Variants in NRXN3 observed in about 807,000 individuals in gnomAD.
NRXN3 encodes the protein neurexin 3, also known as neurexin III.
Under a neutral mutation model 137.6 loss-of-function variants are expected in NRXN3, and 32 were observed. The observed-to-expected ratio is 0.23, with a 90% CI of 0.18 to 0.31. NRXN3 has a LOEUF of 0.31. Among genes scored for constraint, NRXN3 ranks in the 10% least tolerant of loss-of-function variants. The probability of loss-of-function intolerance (pLI) is 1.00; values close to 1 mark genes in which losing one functional copy is unlikely to be tolerated. For missense variants in NRXN3, 1,574 were observed against 2,062.5 expected (o/e 0.76, Z 4.59); for synonymous variants, 798 against 784.5 (o/e 1.02, Z -0.29).
intron 6 of NRXN3, among the ~76,000 whole-genome samples, chr14:78,702,453 TA>T (rs200592738): frequency 1.5e-5 from 2 of 134,910 alleles, no homozygotes; most frequent in African/African-American, 2.7e-5. Flanking sequence ...TTTCTTTTCT[TA>T]TTTTTTTTGA....
At chr14:78,312,659 T>G (rs1280944569) in intron 4 of NRXN3, among the ~76,000 whole-genome samples, 4 of 152,154 alleles carry the variant, frequency 2.6e-5, no homozygotes, top group African/African-American at 9.7e-5. Flanking sequence ...AAAAAACAAT[T>G]TTTTCGGGGT....
At chr14:78,202,565 A>T (rs1174357599) in intron 1 of NRXN3, among the ~76,000 whole-genome samples, 1 of 152,160 alleles carries the variant, frequency 6.6e-6, no homozygotes, top group East Asian at 1.9e-4. Flanking sequence ...TAGGTCTGTG[A>T]AAAATCTGTT....
chr14:79,526,514 C>G (rs1243172127), intron 16 of NRXN3, among the ~76,000 whole-genome samples: 1 of 152,114 alleles, frequency 6.6e-6, no homozygotes. Flanking sequence ...TCATCTAGTC[C>G]TAAGAAGTTT....
chr14:79,336,061 T>G (rs1218007995), intron 15 of NRXN3, among the ~76,000 whole-genome samples: 1 of 152,084 alleles, frequency 6.6e-6, no homozygotes, highest in East Asian at 1.9e-4. Flanking sequence ...CTACCTCAAG[T>G]TGGTCAGGAA....
At chr14:79,243,997 C>A (rs893908055) in intron 15 of NRXN3, among the ~76,000 whole-genome samples, 1 of 152,146 alleles carries the variant, frequency 6.6e-6, no homozygotes, top group Non-Finnish European at 1.5e-5. Flanking sequence ...CATCACCAAA[C>A]AAAGCTACTT....
At chr14:78,624,402 G>A (rs17107945) in intron 4 of NRXN3, among the ~76,000 whole-genome samples, 12,775 of 152,242 alleles carry the variant, frequency 0.084, 687 homozygotes, top group Middle Eastern at 0.15. Flanking sequence ...TTAAGCACTC[G>A]AAGCAGAACA....
intron 6 of NRXN3, among the ~76,000 whole-genome samples, chr14:78,678,319 CT>C (rs398025853): frequency 2.3e-3 from 323 of 143,076 alleles, no homozygotes; most frequent in Middle Eastern, 3.7e-3. Context: ...ATGCTCCATA[CT>C]TTTTTTTTTT....
intron 15 of NRXN3, among the ~76,000 whole-genome samples, chr14:79,342,967 T>G (rs1010606534): frequency 6.6e-6 from 1 of 152,006 alleles, no homozygotes; most frequent in Non-Finnish European, 1.5e-5. Flanking sequence ...GGGTAGGGGC[T>G]TGGGAAGTGG....
At chr14:78,713,948 T>A (rs945092439) in intron 7 of NRXN3, among the ~76,000 whole-genome samples, 1 of 152,148 alleles carries the variant, frequency 6.6e-6, no homozygotes, top group East Asian at 1.9e-4. Context: ...CCAAACCATA[T>A]CATTTATTTT....
At chr14:78,340,511 A>G (rs1449331624) in intron 4 of NRXN3, among the ~76,000 whole-genome samples, 1 of 152,138 alleles carries the variant, frequency 6.6e-6, no homozygotes, top group African/African-American at 2.4e-5. Context: ...CATCTGGCAG[A>G]TAGGCTGGGT....
rs572775793 is a variant in NRXN3 at position 79,082,081 on chromosome 14, T to C, written c.3262+93940T>C. Among the ~76,000 whole-genome samples the C allele has an allele frequency of 6.5e-5, 9 of 139,356 alleles. No individual in the cohort carries two copies. In the South Asian group the frequency reaches 1.4e-3, roughly 21 times the overall value. 91.4% of individuals were successfully genotyped at this position (139,356 alleles called of 152,430 possible). ...TATGTTTCATACATATATATATACA[T>C]ATATACACATACTTATATATACATA... On this transcript the variant is annotated intron_variant, in intron 15 of 20. Transcript: ENST00000335750.
intron 15 of NRXN3, among the ~76,000 whole-genome samples, chr14:79,297,964 G>A (rs8005957): frequency 0.013 from 1,971 of 152,114 alleles, 34 homozygotes; most frequent in South Asian, 0.081. Flanking sequence ...TAAAAAGACA[G>A]CCATTTAATT....
chr14:79,192,219 A>G (rs2064451871), intron 15 of NRXN3, among the ~76,000 whole-genome samples: 1 of 152,212 alleles, frequency 6.6e-6, no homozygotes, highest in Admixed American at 6.5e-5. Context: ...TCTCCAGGTT[A>G]CTGATCATCT....
rs1321211213 is a variant in NRXN3 at position 79,867,823 on chromosome 14, A to C, written c.*5859A>C. ...GCCACAGAGCAGGTAGGATCACGTG[A>C]GTAGGGCCCAGGATAGAAGAGCAGT... On this transcript the variant is annotated 3_prime_UTR_variant, in exon 21 of 21. Coordinates refer to ENST00000335750, the MANE Select transcript of NRXN3 (RefSeq NM_001330195.2). The C allele has an allele frequency of 2.0e-5, 3 of 152,268 alleles. No individual in the cohort carries two copies. The highest frequency in any genetic ancestry group is 7.2e-5 in the African/African-American group (3 of 41,414). The allele number at this position is 152,268 out of a possible 1,614,324, so 9.4% of individuals were successfully genotyped here. A position where few individuals can be genotyped will look rare whatever the true frequency, so the allele number is the denominator to read the frequency against.
rs577453706 is a variant in NRXN3 at position 79,431,662 on chromosome 14, C to G, written c.3263-35559C>G. ...ATTAAATAAATCAAGTTTGCAAGTA[C>G]CAGGTATAGGAGTTTTGGACTGACA... On this transcript the variant is annotated intron_variant, in intron 15 of 20. Transcript: ENST00000335750. Among the ~76,000 whole-genome samples, 3 of 152,016 alleles carry G rather than the reference C, an allele frequency of 2.0e-5. No individual in the cohort carries two copies. In the South Asian group the frequency reaches 6.2e-4, roughly 32 times the overall value.
chr14:79,479,315 A>T (rs923345542), intron 16 of NRXN3, among the ~76,000 whole-genome samples: 3 of 151,948 alleles, frequency 2.0e-5, no homozygotes, highest in African/African-American at 7.3e-5. Flanking sequence ...TTTTGTGTCT[A>T]TCAGCCCATT....
intron 15 of NRXN3, among the ~76,000 whole-genome samples, chr14:79,465,229 T>C (rs909478325): frequency 3.3e-5 from 5 of 152,146 alleles, no homozygotes; most frequent in Non-Finnish European, 7.4e-5. Context: ...ATATCAAGGG[T>C]AAATCATTAT....
chr14:78,759,064 T>A (rs992981403), intron 8 of NRXN3, among the ~76,000 whole-genome samples: 4 of 152,212 alleles, frequency 2.6e-5, no homozygotes, highest in African/African-American at 9.7e-5. Flanking sequence ...GATGTTCTCA[T>A]CCTGACTTCA....
At chr14:79,013,496 G>A (rs1190467382) in intron 15 of NRXN3, among the ~76,000 whole-genome samples, 2 of 152,104 alleles carry the variant, frequency 1.3e-5, no homozygotes, top group Non-Finnish European at 2.9e-5. Flanking sequence ...CCTCACAGGG[G>A]TTATTAACTT....
Sources: allele counts gnomAD v4.1 joint callset (sites outside exome capture counted in the v4.1 genomes callset), GRCh38; gene constraint gnomAD v4.1.1; transcripts MANE v1.5; gene names NCBI Gene and HGNC (gene_info 2026-07-23, HGNC 2026-07-21).